Variants in IKZF2 observed in about 807,000 individuals in gnomAD.
The protein encoded by IKZF2 is IKAROS family zinc finger 2.
A neutral mutation model predicts 49.2 loss-of-function variants in IKZF2; 15 were observed. The ratio of observed to expected loss-of-function variants is 0.30; its 90% CI spans 0.20 to 0.47. IKZF2 has a LOEUF of 0.47. Among genes scored for constraint, IKZF2 ranks in the 20% least tolerant of loss-of-function variants. The probability of loss-of-function intolerance (pLI) is 1.00; values close to 1 mark genes in which losing one functional copy is unlikely to be tolerated. For synonymous variants in IKZF2, 227 were observed against 221.4 expected (o/e 1.03, Z -0.23); for missense variants, 567 against 664.6 (o/e 0.85, Z 1.61).
chr2:213,013,658 A>C, intron 8 of IKZF2, 133 bp downstream of exon 8: 2 of 773,416 alleles, frequency 2.6e-6, no homozygotes, highest in Non-Finnish European at 4.1e-6. Context: ...AGAGTAAAAA[A>C]GAATAATGAA....
intron 4 of IKZF2, among the ~76,000 whole-genome samples, chr2:213,073,724 C>T (rs1044039989): frequency 6.6e-6 from 1 of 152,136 alleles, no homozygotes; most frequent in African/African-American, 2.4e-5. Context: ...TTTTTGTTTT[C>T]TTTGAGATGG....
At chr2:213,149,507 A>C (rs1368249607) in intron 2 of IKZF2, among the ~76,000 whole-genome samples, 2 of 152,192 alleles carry the variant, frequency 1.3e-5, no homozygotes, top group Non-Finnish European at 2.9e-5. Context: ...CTGTGGGGAA[A>C]AAAGTTTAAG....
intron 4 of IKZF2, among the ~76,000 whole-genome samples, chr2:213,099,575 A>G (rs778103035): frequency 6.6e-6 from 1 of 152,146 alleles, no homozygotes; most frequent in Non-Finnish European, 1.5e-5. Context: ...AGCTCTAAAT[A>G]ATTCCTCATA....
At chr2:213,012,664 C>A (rs1209774320) in intron 8 of IKZF2, among the ~76,000 whole-genome samples, 1 of 151,932 alleles carries the variant, frequency 6.6e-6, no homozygotes, top group Non-Finnish European at 1.5e-5. Flanking sequence ...ATAAATCCCT[C>A]CAGCTAGTCT....
chr2:213,007,061 A>G lies in IKZF2; in HGVS notation c.*299T>C. On this transcript the variant is annotated 3_prime_UTR_variant, in exon 9 of 9. Transcript: ENST00000434687. ...CTCTTAGGTGAATCTTTATGAATCAAGTGATTTTTCAAAGCATGATATGCC... is the reference window on the plus strand; with the variant it reads ...CTCTTAGGTGAATCTTTATGAATCAGGTGATTTTTCAAAGCATGATATGCC... 4.0e-6 allele frequency: 1 copy of G among 253,082 alleles called. No individual in the cohort carries two copies. The highest frequency in any genetic ancestry group is 7.5e-6 in the Non-Finnish European group (1 of 132,460). The allele number at this position is 253,082 out of a possible 1,614,324, so 15.7% of individuals were successfully genotyped here. A position where few individuals can be genotyped will look rare whatever the true frequency, so the allele number is the denominator to read the frequency against.
At chr2:213,075,693 T>C (rs189716333) in intron 4 of IKZF2, among the ~76,000 whole-genome samples, 156 of 152,282 alleles carry the variant, frequency 1.0e-3, no homozygotes, top group African/African-American at 3.6e-3. Context: ...AATTGATATA[T>C]ACTGACACAA....
chr2:213,079,086 T>C (rs1277938184), intron 4 of IKZF2, among the ~76,000 whole-genome samples: 1 of 152,104 alleles, frequency 6.6e-6, no homozygotes, highest in Non-Finnish European at 1.5e-5. Flanking sequence ...GGAGAAGGTC[T>C]ATAAAGAAGA....
chr2:213,135,184 T>C (rs780460618), intron 4 of IKZF2, among the ~76,000 whole-genome samples: 1 of 152,218 alleles, frequency 6.6e-6, no homozygotes, highest in Non-Finnish European at 1.5e-5. Context: ...AGTAAACTTG[T>C]TTGTTACATG....
At position 213,057,039 on chromosome 2, in the gene IKZF2, C is replaced by T. The variant is rs772378303; in HGVS notation, c.200G>A (p.Arg67His). 1.1e-5 allele frequency: 17 copies of T among 1,613,638 alleles called. No homozygotes were observed. The highest frequency in any genetic ancestry group is 8.0e-5 in the African/African-American group (6 of 74,902). The change falls in exon 5 of 9, where the codon CGT becomes CAT. Residue 67 changes from arginine (R) to histidine (H), a missense_variant. Around this residue, in one of 5 missense-constraint regions of IKZF2, gnomAD observed 156 missense variants for 138.5 expected, o/e 1.13. Coordinates refer to ENST00000434687, the MANE Select transcript of IKZF2 (RefSeq NM_001387220.1). Reference protein sequence around the residue: ...DEECDRKPLSREDEIRGHDEG... With the variant: ...DEECDRKPLSHEDEIRGHDEG... The stretch of plus-strand genomic sequence containing the variant: ...ATCATGGCCCCTGATCTCATCTTCA[C>T]GGCTCAGGGGTTTCCTGTCACACTC...
chr2:213,103,250 T>C (rs2059410847), intron 4 of IKZF2, among the ~76,000 whole-genome samples: 1 of 152,146 alleles, frequency 6.6e-6, no homozygotes, highest in Non-Finnish European at 1.5e-5. Flanking sequence ...TAAATGATGA[T>C]AGAGAGACCA....
intron 8 of IKZF2, among the ~76,000 whole-genome samples, chr2:213,008,473 C>A (rs748670273): frequency 3.9e-5 from 6 of 151,954 alleles, no homozygotes; most frequent in Non-Finnish European, 5.9e-5. Flanking sequence ...CTCAAGTGAT[C>A]CACCCACCTT....
rs78271698 is a variant in IKZF2, at chr2:213,021,469, C to T, written c.712+524G>A. ...CCTTAGGGATTGCCTTCCTACCTGC[C>T]GTAGTGTATTTAGAGATCAGGATGT... On this transcript the variant is annotated intron_variant, in intron 7 of 8. Coordinates refer to ENST00000434687, the MANE Select transcript of IKZF2 (RefSeq NM_001387220.1). 1,052 of 217,772 alleles carry T rather than the reference C, an allele frequency of 4.8e-3. 11 individuals are homozygous for T. Among genetic ancestry groups the T allele is most frequent in the Middle Eastern group, 0.022 (13 of 584 alleles). The allele number at this position is 217,772 out of a possible 1,614,324, so 13.5% of individuals were successfully genotyped here. A position where few individuals can be genotyped will look rare whatever the true frequency, so the allele number is the denominator to read the frequency against.
At chr2:213,084,728 C>G (rs990665776) in intron 4 of IKZF2, among the ~76,000 whole-genome samples, 2 of 152,230 alleles carry the variant, frequency 1.3e-5, no homozygotes, top group Admixed American at 1.3e-4. Context: ...TATTATCATG[C>G]CTTCTCTAAT....
At chr2:213,032,460 G>T (rs1698545556) in intron 6 of IKZF2, among the ~76,000 whole-genome samples, 1 of 152,284 alleles carries the variant, frequency 6.6e-6, no homozygotes, top group South Asian at 2.1e-4. Context: ...GAGGCCAGGT[G>T]CAGTGGCTCA....
At chr2:213,117,989 C>T (rs1276344748) in intron 4 of IKZF2, among the ~76,000 whole-genome samples, 1 of 152,046 alleles carries the variant, frequency 6.6e-6, no homozygotes, top group Non-Finnish European at 1.5e-5. Context: ...CTACAACATG[C>T]ATAGATTCTT....
chr2:213,041,776 C>A (rs1296556692), intron 6 of IKZF2, among the ~76,000 whole-genome samples: 2 of 152,014 alleles, frequency 1.3e-5, no homozygotes, highest in East Asian at 3.8e-4. Flanking sequence ...TGTAGGATAT[C>A]AGACATTAGT....
At chr2:213,056,624 C>T in intron 5 of IKZF2, 2 of 691,608 alleles carry the variant, frequency 2.9e-6, no homozygotes, top group South Asian at 3.1e-5. Flanking sequence ...GAATCCCAAA[C>T]TTCTTTTCTG....
chr2:213,117,843 T>A (rs1011009052), intron 4 of IKZF2, among the ~76,000 whole-genome samples: 1 of 152,256 alleles, frequency 6.6e-6, no homozygotes, highest in Non-Finnish European at 1.5e-5. Context: ...CTTTTTATTG[T>A]TGTTTCTTTC....
Position 213,013,834 on chromosome 2 carries a change from C to A in IKZF2, c.813G>T (p.Gly271=). 2 of 1,611,800 alleles carry A rather than the reference C, an allele frequency of 1.2e-6. No individual in the cohort carries two copies. Among genetic ancestry groups the A allele is most frequent in the Non-Finnish European group, 1.7e-6 (2 of 1,178,434 alleles). The change falls in exon 8 of 9, where the codon GGG becomes GGT. Residue 271 remains glycine, a synonymous_variant. Transcript: ENST00000434687. ...ERPAVIEKLT[G]NMGKRKSSTP... ...TGGAGCTTTTACGTTTTCCCATATTCCCCGTGAGCTTCTCTATGACAGCAG... is the reference window on the plus strand; with the variant it reads ...TGGAGCTTTTACGTTTTCCCATATTACCCGTGAGCTTCTCTATGACAGCAG...
Sources: allele counts gnomAD v4.1 joint callset (sites outside exome capture counted in the v4.1 genomes callset), GRCh38; gene constraint gnomAD v4.1.1; regional missense constraint gnomAD v4.1.1; transcripts MANE v1.5; gene names NCBI Gene and HGNC (gene_info 2026-07-23, HGNC 2026-07-21).